The following PAQR5 variants were observed in gnomAD, a reference collection of about 807,000 sequenced individuals.
The protein encoded by PAQR5 is membrane progestin receptor gamma.
PAQR5 carries 20 observed loss-of-function variants against 34.5 expected under a neutral mutation model. The ratio of observed to expected loss-of-function variants is 0.58; its 90% CI spans 0.41 to 0.84. The LOEUF (loss-of-function observed/expected upper bound fraction) is 0.84, where lower values mean the gene tolerates loss of function less well. PAQR5 is among the 40% of genes least tolerant of loss of function. PAQR5 has a pLI of 0.00. For missense variants in PAQR5, 378 were observed against 412.7 expected, an observed-to-expected ratio of 0.92 and a Z score of 0.73; for synonymous variants, 131 against 155.6, an observed-to-expected ratio of 0.84 and a Z score of 1.18.
rs569062449 is a variant in PAQR5, at chr15:69,335,934, G to A, written c.-276-1407G>A. On this transcript the variant is annotated intron_variant, in intron 1 of 8. Transcript: ENST00000395407. ...TAACATTAAAGATGCACTAATGCAA[G>A]CCTGAAATTTGGTTTTCTCTTTTGA... is the stretch of plus-strand genomic sequence containing the variant. 2.6e-5 allele frequency among the ~76,000 whole-genome samples: 4 copies of A among 152,258 alleles called. No individual in the cohort carries two copies. In the South Asian group the frequency reaches 6.2e-4, roughly 24 times the overall value.
At chr15:69,350,667 TCACA>T (rs61320862) in intron 2 of PAQR5, among the ~76,000 whole-genome samples, 8 of 148,830 alleles carry the variant, frequency 5.4e-5, no homozygotes, top group Non-Finnish European at 6.0e-5. Flanking sequence ...AATTAAAAAA[TCACA>T]CACACACACA....
At chr15:69,359,270 A>G (rs1191087763) in intron 2 of PAQR5, among the ~76,000 whole-genome samples, 1 of 152,160 alleles carries the variant, frequency 6.6e-6, no homozygotes, top group East Asian at 1.9e-4. Flanking sequence ...AATTTTGGGG[A>G]GACACAAACA....
intron 1 of PAQR5, among the ~76,000 whole-genome samples, chr15:69,311,723 C>T (rs1255543718): frequency 6.6e-6 from 1 of 152,190 alleles, no homozygotes; most frequent in Non-Finnish European, 1.5e-5. Context: ...AAGGATCTGA[C>T]CGAGGCCTCA....
At chr15:69,354,293 A>T (rs191573056) in intron 2 of PAQR5, among the ~76,000 whole-genome samples, 97 of 152,342 alleles carry the variant, frequency 6.4e-4, no homozygotes, top group Admixed American at 3.1e-3. Context: ...TGTAATTGTC[A>T]TGAGTATTTC....
Position 69,379,900 on chromosome 15 carries a change from C to G in PAQR5, c.69C>G (p.Gly23=). ...DQIPQVFHEQ[G]ILFGYRHPQS... is the part of the protein sequence containing the mutation. The stretch of plus-strand genomic sequence containing the variant: ...CTCTGCAGGTGTTCCATGAGCAAGG[C>G]ATCCTGTTCGGCTACCGCCATCCAC... Residue 23 remains glycine, a synonymous_variant, in exon 4 of 9, where the codon GGC becomes GGG. Transcript: ENST00000395407. 6.2e-7 allele frequency: 1 copy of G among 1,614,026 alleles called. No homozygotes were observed. Among genetic ancestry groups the G allele is most frequent in the Non-Finnish European group, 8.5e-7 (1 of 1,179,990 alleles).
chr15:69,317,813 C>G (rs1595844178), intron 1 of PAQR5, among the ~76,000 whole-genome samples: 1 of 152,254 alleles, frequency 6.6e-6, no homozygotes, highest in Non-Finnish European at 1.5e-5. Context: ...GCTCCCACCT[C>G]TTGCCTCTCT....
intron 2 of PAQR5, among the ~76,000 whole-genome samples, chr15:69,352,143 C>T (rs569847753): frequency 3.3e-5 from 5 of 152,264 alleles, no homozygotes; most frequent in Admixed American, 1.3e-4. Flanking sequence ...CTTTGGCAGG[C>T]CCCTATAGGT....
chr15:69,316,539 T>C (rs1461992670), intron 1 of PAQR5, among the ~76,000 whole-genome samples: 6 of 150,802 alleles, frequency 4.0e-5, no homozygotes, highest in African/African-American at 1.5e-4. Context: ...CGATATTGGG[T>C]TAGCGGGAAA....
intron 2 of PAQR5, among the ~76,000 whole-genome samples, chr15:69,342,773 A>G (rs1424883841): frequency 6.6e-6 from 1 of 152,234 alleles, no homozygotes; most frequent in East Asian, 1.9e-4. Flanking sequence ...GGAGAGGATC[A>G]GAAGTGTGGC....
intron 1 of PAQR5, among the ~76,000 whole-genome samples, chr15:69,303,606 AGTC>A (rs1253623237): frequency 1.3e-4 from 20 of 150,146 alleles, no homozygotes; most frequent in Admixed American, 2.0e-4. Flanking sequence ...TCAATCAGTC[AGTC>A]AATCAATTCT....
intron 3 of PAQR5, among the ~76,000 whole-genome samples, chr15:69,376,263 G>A (rs1294664938): frequency 6.0e-4 from 91 of 152,304 alleles, no homozygotes; most frequent in Non-Finnish European, 7.4e-5. Context: ...GCTACGAAGT[G>A]TTGAGGAAAT....
chr15:69,322,418 G>A (rs1453887205), intron 1 of PAQR5, among the ~76,000 whole-genome samples: 3 of 149,006 alleles, frequency 2.0e-5, no homozygotes, highest in Non-Finnish European at 4.4e-5. Flanking sequence ...GCAGTGAGCC[G>A]AGATCGCACC....
intron 3 of PAQR5, among the ~76,000 whole-genome samples, chr15:69,372,081 T>A (rs2055577978): frequency 6.6e-6 from 1 of 152,238 alleles, no homozygotes; most frequent in Admixed American, 6.5e-5. Flanking sequence ...TCATACATAA[T>A]CTTTGAACTA....
chr15:69,400,233 G>A (rs1017071189), intron 8 of PAQR5, 118 bp downstream of exon 8: 3 of 1,005,776 alleles, frequency 3.0e-6, no homozygotes, highest in Non-Finnish European at 4.4e-6. Context: ...GAGAGGCCAA[G>A]GCGAGTAACA....
At chr15:69,345,503 A>G (rs1489466487) in intron 2 of PAQR5, among the ~76,000 whole-genome samples, 1 of 152,152 alleles carries the variant, frequency 6.6e-6, no homozygotes, top group Non-Finnish European at 1.5e-5. Flanking sequence ...GAGGAATGAG[A>G]TAGCCAAGTG....
At chr15:69,313,001 A>G (rs1402066118) in intron 1 of PAQR5, among the ~76,000 whole-genome samples, 5 of 152,178 alleles carry the variant, frequency 3.3e-5, no homozygotes, top group African/African-American at 1.2e-4. Context: ...ATCGTTGCTT[A>G]CACAGTTATT....
intron 4 of PAQR5, among the ~76,000 whole-genome samples, chr15:69,383,670 T>C (rs2140933956): frequency 3.4e-5 from 3 of 88,492 alleles, no homozygotes; most frequent in East Asian, 4.1e-4. Flanking sequence ...GCGGGCCCTC[T>C]GTATTCATGG....
At chr15:69,324,908 T>C (rs947365405) in intron 1 of PAQR5, among the ~76,000 whole-genome samples, 4 of 151,576 alleles carry the variant, frequency 2.6e-5, no homozygotes, top group African/African-American at 9.7e-5. Flanking sequence ...CTTTTTTTTT[T>C]TTTTTTCTGA....
At chr15:69,400,645 A>G (rs1169545154) in intron 8 of PAQR5, among the ~76,000 whole-genome samples, 1 of 152,110 alleles carries the variant, frequency 6.6e-6, no homozygotes, top group South Asian at 2.1e-4. Context: ...CATGCACTGC[A>G]CTCTAGCCTG....
Sources: allele counts gnomAD v4.1 joint callset (sites outside exome capture counted in the v4.1 genomes callset), GRCh38; gene constraint gnomAD v4.1.1; transcripts MANE v1.5; gene names NCBI Gene and HGNC (gene_info 2026-07-23, HGNC 2026-07-21).